The following TBCK variants were observed in gnomAD, a reference collection of about 807,000 sequenced individuals.
TBCK encodes the protein TBC1 domain containing kinase, also known as TBC domain-containing protein kinase-like protein.
In TBCK, 99 loss-of-function variants were observed where a neutral mutation model predicts 113.4. That is an observed-to-expected ratio of 0.87 (90% confidence interval 0.74 to 1.03). The LOEUF (loss-of-function observed/expected upper bound fraction) is 1.03. Among genes scored for constraint, TBCK ranks in the 50% least tolerant of loss-of-function variants. The probability of loss-of-function intolerance (pLI) is 0.00; values close to 1 mark genes in which losing one functional copy is unlikely to be tolerated. For missense variants in TBCK, 1,045 were observed against 1,061.3 expected, an observed-to-expected ratio of 0.98 and a Z score of 0.21; for synonymous variants, 369 against 370.8, an observed-to-expected ratio of 1.00 and a Z score of 0.05.
At chr4:106,263,739 G>A (rs980549314) in intron 3 of TBCK, among the ~76,000 whole-genome samples, 4 of 151,526 alleles carry the variant, frequency 2.6e-5, no homozygotes, top group African/African-American at 7.3e-5. Context: ...TTCTCTCTCC[G>A]AAATTAAAAC....
At chr4:106,072,768 C>T (rs1035151083) in intron 25 of TBCK, among the ~76,000 whole-genome samples, 1 of 152,142 alleles carries the variant, frequency 6.6e-6, no homozygotes, top group African/African-American at 2.4e-5. Flanking sequence ...CACAGAGTCC[C>T]ATATTTCTTG....
At chr4:106,119,849 A>C (rs1488219900) in intron 23 of TBCK, among the ~76,000 whole-genome samples, 4 of 152,238 alleles carry the variant, frequency 2.6e-5, no homozygotes, top group Non-Finnish European at 5.9e-5. Context: ...AATGATCTGA[A>C]TAAACATTTC....
intron 23 of TBCK, among the ~76,000 whole-genome samples, chr4:106,119,810 A>C (rs1018835787): frequency 6.6e-6 from 1 of 152,206 alleles, no homozygotes; most frequent in Non-Finnish European, 1.5e-5. Context: ...CAATAGCAAT[A>C]ATAAAATAAT....
intron 25 of TBCK, among the ~76,000 whole-genome samples, chr4:106,051,025 A>G (rs1354218621): frequency 6.6e-6 from 1 of 151,926 alleles, no homozygotes; most frequent in African/African-American, 2.4e-5. Flanking sequence ...AACTTGGATT[A>G]AGAGACTGGC....
chr4:106,163,290 A>G (rs1186354312), intron 23 of TBCK: 1 of 152,158 alleles, frequency 6.6e-6, no homozygotes, highest in African/African-American at 2.4e-5. Context: ...GGAGTTCCAA[A>G]TTTTCCCACA....
At chr4:106,231,116 A>T (rs1297382359) in intron 18 of TBCK, among the ~76,000 whole-genome samples, 7 of 151,748 alleles carry the variant, frequency 4.6e-5, no homozygotes, top group Admixed American at 3.3e-4. Flanking sequence ...TAGACATTCA[A>T]GCTATATACA....
chr4:106,104,769 T>A (rs901791857), intron 24 of TBCK, among the ~76,000 whole-genome samples: 3 of 152,252 alleles, frequency 2.0e-5, no homozygotes, highest in Non-Finnish European at 2.9e-5. Context: ...CATACCTCCC[T>A]GGGACAAAGC....
chr4:106,068,389 A>G (rs1578797662), intron 25 of TBCK, among the ~76,000 whole-genome samples: 1 of 152,056 alleles, frequency 6.6e-6, no homozygotes, highest in Non-Finnish European at 1.5e-5. Context: ...CCTATGAGTG[A>G]GAACATGTGG....
chr4:106,094,876 C>T (rs1425927570), intron 25 of TBCK, among the ~76,000 whole-genome samples: 7 of 152,172 alleles, frequency 4.6e-5, no homozygotes, highest in Non-Finnish European at 5.9e-5. Context: ...TCTCTGGCTG[C>T]TTGTTTTTAA....
At chr4:106,114,280 G>T (rs905546681) in intron 24 of TBCK, among the ~76,000 whole-genome samples, 1 of 152,146 alleles carries the variant, frequency 6.6e-6, no homozygotes, top group Non-Finnish European at 1.5e-5. Context: ...TTCGGAAATG[G>T]ATTTGGCTGA....
intron 21 of TBCK, among the ~76,000 whole-genome samples, chr4:106,194,250 TAC>T (rs1289773499): frequency 3.3e-5 from 5 of 152,070 alleles, no homozygotes; most frequent in African/African-American, 1.2e-4. Context: ...CAAATATTAT[TAC>T]AGTTACCATG....
chr4:106,145,628 TAGA>T (rs1747697526), intron 23 of TBCK, among the ~76,000 whole-genome samples: 1 of 152,204 alleles, frequency 6.6e-6, no homozygotes, highest in Non-Finnish European at 1.5e-5. Flanking sequence ...AAACATGATC[TAGA>T]AGAAGATAAT....
intron 20 of TBCK, among the ~76,000 whole-genome samples, chr4:106,195,735 T>C (rs1462060859): frequency 6.6e-6 from 1 of 152,038 alleles, no homozygotes. Context: ...ACCAGCTTCC[T>C]GGTTCTCAGA....
At chr4:106,247,335 T>G in intron 9 of TBCK, 48 bp from the exon 10 acceptor site, 1 of 1,579,040 alleles carries the variant, frequency 6.3e-7, no homozygotes, top group South Asian at 1.1e-5. Context: ...CATAAAAAAT[T>G]TCCTAGAATA....
chr4:106,124,073 A>T (rs1002230744), intron 23 of TBCK, among the ~76,000 whole-genome samples: 3 of 150,698 alleles, frequency 2.0e-5, no homozygotes, highest in Non-Finnish European at 3.0e-5. Flanking sequence ...CAACCTACAA[A>T]ATGGGAGAAA....
Position 106,236,283 on chromosome 4 carries a change from T to C in TBCK, c.1350+107A>G, listed in dbSNP as rs188530033. The C allele has an allele frequency of 5.7e-4, 468 of 815,012 alleles. 5 individuals carry two copies. In the South Asian group the frequency reaches 0.01, roughly 18 times the overall value. The allele number at this position is 815,012 out of a possible 1,614,324, so 50.5% of individuals were successfully genotyped here. On this transcript the variant is annotated intron_variant, in intron 14 of 25. Transcript: ENST00000394708. ...AAAGCTAACTGAACAAGATAGGTCA[T>C]AAAAATTAATCTTCTTATTACTCAA...
chr4:106,178,694 C>T (rs959369173), intron 22 of TBCK, among the ~76,000 whole-genome samples: 10 of 151,866 alleles, frequency 6.6e-5, no homozygotes, highest in South Asian at 2.1e-4. Flanking sequence ...ATTTTTTTAA[C>T]GTGTTGTTGA....
At position 106,063,459 on chromosome 4, in the gene TBCK, A is replaced by G. The variant is rs1160698172; in HGVS notation, c.2572-16779T>C. Among the ~76,000 whole-genome samples the G allele has an allele frequency of 2.0e-5, 3 of 152,026 alleles. No homozygotes were observed. In the East Asian group the frequency reaches 5.8e-4, roughly 29 times the overall value. ...CTATCTGGAGCTAGAGAAGTTTAATACAGGGACAACACATATGCTGAATTG... is the reference window on the plus strand; with the variant it reads ...CTATCTGGAGCTAGAGAAGTTTAATGCAGGGACAACACATATGCTGAATTG... On this transcript the variant is annotated intron_variant, in intron 25 of 25. Coordinates refer to ENST00000394708, the MANE Select transcript of TBCK (RefSeq NM_001163435.3).
At chr4:106,129,298 C>T (rs543158002) in intron 23 of TBCK, among the ~76,000 whole-genome samples, 4 of 152,238 alleles carry the variant, frequency 2.6e-5, no homozygotes, top group East Asian at 1.9e-4. Context: ...TCCCTCTCTC[C>T]GCCCCCTGGA....
Sources: gnomAD v4.1 joint callset for allele counts (sites outside exome capture counted in the v4.1 genomes callset) on GRCh38, gnomAD v4.1.1 for gene constraint, MANE v1.5 for transcripts, NCBI Gene and HGNC (gene_info 2026-07-23, HGNC 2026-07-21) for gene names.